The following ICE1 variants were observed in gnomAD, a reference collection of about 807,000 sequenced individuals.
ICE1 encodes interactor of little elongation complex ELL subunit 1.
A neutral mutation model predicts 192.7 loss-of-function variants in ICE1; 64 were observed. The observed-to-expected ratio is 0.33, with a 90% confidence interval of 0.27 to 0.41. ICE1 has a LOEUF of 0.41. ICE1 is among the 10% of genes least tolerant of loss of function. ICE1 has a pLI of 1.00. For synonymous variants in ICE1, 1,010 were observed against 984.5 expected (o/e 1.03, Z -0.49); for missense variants, 2,708 against 2,696.0 (o/e 1.00, Z -0.10).
intron 12 of ICE1, among the ~76,000 whole-genome samples, chr5:5,459,152 C>T (rs957953508): frequency 4.6e-5 from 7 of 152,250 alleles, no homozygotes; most frequent in Admixed American, 2.6e-4. Context: ...GGATTACAGG[C>T]GTGAGCCACC....
At chr5:5,466,148 C>T (rs1236942007) in intron 13 of ICE1, among the ~76,000 whole-genome samples, 186 bp from the exon 14 acceptor site, 4 of 152,126 alleles carry the variant, frequency 2.6e-5, no homozygotes, top group East Asian at 1.9e-4. Flanking sequence ...TCAGTACCCC[C>T]GACCTCGATT....
chr5:5,444,963 G>A (rs951337170), intron 7 of ICE1, among the ~76,000 whole-genome samples: 8 of 152,178 alleles, frequency 5.3e-5, no homozygotes, highest in Non-Finnish European at 1.0e-4. Flanking sequence ...CCTTCATTGT[G>A]TGGGTGGGAC....
chr5:5,459,507 G>A (rs567715231), intron 12 of ICE1, among the ~76,000 whole-genome samples: 12 of 152,318 alleles, frequency 7.9e-5, no homozygotes, highest in African/African-American at 2.9e-4. Context: ...CATCCAGTAA[G>A]AGTATGGAAG....
Position 5,423,662 on chromosome 5 carries a change from G to A in ICE1, c.84+663G>A, listed in dbSNP as rs1019446950. Among the ~76,000 whole-genome samples, 5 of 152,190 alleles carry A rather than the reference G, an allele frequency of 3.3e-5. 1 individual carries two copies. The highest frequency in any genetic ancestry group is 2.0e-4 in the Admixed American group (3 of 15,284). ...ACATAAGGGAGAATTGCTAGAGTAT[G>A]GCTCCAGATCTTATGGGGTGGTACT... On this transcript the variant is annotated intron_variant, in intron 1 of 18. Transcript: ENST00000296564.
At chr5:5,433,323 T>C (rs1191386621) in intron 1 of ICE1, among the ~76,000 whole-genome samples, 1 of 152,132 alleles carries the variant, frequency 6.6e-6, no homozygotes, top group East Asian at 1.9e-4. Flanking sequence ...ATGAGAAAGT[T>C]TGCAACTAGT....
At position 5,460,932 on chromosome 5, in the gene ICE1, C is replaced by A. The variant is rs777650967; in HGVS notation, c.1598C>A (p.Ser533Tyr). The A allele has an allele frequency of 1.5e-5, 24 of 1,613,866 alleles. No homozygotes were observed. The highest frequency in any genetic ancestry group is 2.0e-5 in the Non-Finnish European group (24 of 1,179,900). ...CCTGGGAAGTCTGAGTTGTGTTCTTCTCCCCTTGGCAAAAGGCCATTAAAT... is the reference window on the plus strand; with the variant it reads ...CCTGGGAAGTCTGAGTTGTGTTCTTATCCCCTTGGCAAAAGGCCATTAAAT... The part of the protein sequence containing the change: ...AAPGKSELCS[S>Y]PLGKRPLNEL... The change falls in exon 13 of 19, where the codon TCT becomes TAT. Residue 533 changes from serine to tyrosine, a missense_variant. Transcript: ENST00000296564.
chr5:5,458,573 G>T (rs1053783787), intron 12 of ICE1, among the ~76,000 whole-genome samples: 1 of 152,200 alleles, frequency 6.6e-6, no homozygotes. Context: ...GAGTTTTAAG[G>T]TGTGAGTGGG....
chr5:5,482,736 G>T (rs1739539174), intron 17 of ICE1, among the ~76,000 whole-genome samples: 1 of 150,602 alleles, frequency 6.6e-6, no homozygotes, highest in Non-Finnish European at 1.5e-5. Flanking sequence ...TTTAGGCCTG[G>T]CAGATTTCTC....
rs762925075 is a variant in ICE1 at position 5,462,587 on chromosome 5, A to G, written c.3253A>G (p.Thr1085Ala). 80 of 1,613,746 alleles carry G rather than the reference A, an allele frequency of 5.0e-5. No individual in the cohort carries two copies. The highest frequency in any genetic ancestry group is 6.4e-5 in the Non-Finnish European group (75 of 1,179,860). ...CAGAAAACATGGAGAGACACAGGAT[A>G]CCTCCCAAAGTAGCCTGCCTGGTAC... ...FCRKHGETQD[T>A]SQSSLPGTLH... Residue 1085 changes from threonine (T) to alanine (A), a missense_variant, in exon 13 of 19, where the codon ACC becomes GCC. Coordinates refer to ENST00000296564, the MANE Select transcript of ICE1 (RefSeq NM_015325.3).
chr5:5,489,224 C>T lies in ICE1; in HGVS notation c.6695C>T (p.Ser2232Phe). ...AGTCCCAGCAATCCAGCAGAAATTT[C>T]CAAGATCCTGGAAGCTTGGCGGAGA... is the stretch of plus-strand genomic sequence containing the variant. ...DLSPSNPAEI[S>F]KILEAWRREA... Residue 2232 changes from serine (S) to phenylalanine (F), a missense_variant, in exon 19 of 19, where the codon TCC becomes TTC. By Grantham distance (155) the Ser-to-Phe change is radical (BLOSUM62 -2). Coordinates refer to ENST00000296564, the MANE Select transcript of ICE1 (RefSeq NM_015325.3). 6.2e-7 allele frequency: 1 copy of T among 1,613,932 alleles called. No individual in the cohort carries two copies. The highest frequency in any genetic ancestry group is 8.5e-7 in the Non-Finnish European group (1 of 1,179,894).
At chr5:5,480,725 A>T (rs1229557584) in intron 17 of ICE1, among the ~76,000 whole-genome samples, 1 of 152,228 alleles carries the variant, frequency 6.6e-6, no homozygotes, top group Non-Finnish European at 1.5e-5. Flanking sequence ...AAATATAGCA[A>T]CATTGCCCTA....
intron 15 of ICE1, among the ~76,000 whole-genome samples, chr5:5,473,055 C>T (rs73031303): frequency 2.0e-3 from 302 of 152,292 alleles, no homozygotes; most frequent in African/African-American, 6.9e-3. Context: ...GTTCAAACTA[C>T]TCTTTCATGC....
chr5:5,456,632 C>G (rs999872666), intron 11 of ICE1, among the ~76,000 whole-genome samples: 2 of 152,030 alleles, frequency 1.3e-5, no homozygotes, highest in Non-Finnish European at 2.9e-5. Context: ...GTTTCCATCT[C>G]TGCTTGGATT....
chr5:5,436,242 G>C (rs1221626629), intron 1 of ICE1, among the ~76,000 whole-genome samples, 176 bp from the exon 2 acceptor site: 1 of 152,022 alleles, frequency 6.6e-6, no homozygotes, highest in East Asian at 1.9e-4. Flanking sequence ...CAGATAAACA[G>C]GTTTGGAGAG....
intron 18 of ICE1, 117 bp from the exon 19 acceptor site, chr5:5,489,032 T>G: frequency 1.2e-6 from 1 of 859,906 alleles, no homozygotes; most frequent in South Asian, 1.7e-5. Context: ...TATATTTAAT[T>G]TTCATTGCTG....
rs757328197 is a variant in ICE1 at position 5,441,164 on chromosome 5, C to T, written c.250C>T (p.Pro84Ser). The T allele has an allele frequency of 6.4e-7, 1 of 1,565,430 alleles. No homozygotes were observed. The highest frequency in any genetic ancestry group is 8.7e-7 in the Non-Finnish European group (1 of 1,153,798). Reference sequence around the variant, plus strand: ...GGAAGAGATGCTTCAAAAAATTTCTCCTCTACAGAAATGTCAGGAAGAACT... The same window carrying T: ...GGAAGAGATGCTTCAAAAAATTTCTTCTCTACAGAAATGTCAGGAAGAACT... ...QVEEMLQKIS[P>S]LQKCQEELGS... The change falls in exon 5 of 19, where the codon CCT becomes TCT. Residue 84 changes from proline to serine, a missense_variant. Coordinates refer to ENST00000296564, the MANE Select transcript of ICE1 (RefSeq NM_015325.3).
At chr5:5,484,987 C>T (rs1299824394) in intron 17 of ICE1, among the ~76,000 whole-genome samples, 1 of 152,080 alleles carries the variant, frequency 6.6e-6, no homozygotes, top group African/African-American at 2.4e-5. Context: ...AGCAAGTTCT[C>T]ATCCATAGGA....
Position 5,463,507 on chromosome 5 carries a change from A to G in ICE1, c.4173A>G (p.Glu1391=). 6.2e-7 allele frequency: 1 copy of G among 1,613,618 alleles called. No individual in the cohort carries two copies. The highest frequency in any genetic ancestry group is 8.5e-7 in the Non-Finnish European group (1 of 1,179,686). The part of the protein sequence containing the change: ...SIEQSSNCEA[E]TTFQCQIATV... ...AGCAAAGTTCTAACTGCGAGGCCGA[A>G]ACAACATTTCAGTGTCAGATAGCAA... The change falls in exon 13 of 19, where the codon GAA becomes GAG. Residue 1391 remains glutamate (E), a synonymous_variant. Coordinates refer to ENST00000296564, the MANE Select transcript of ICE1 (RefSeq NM_015325.3).
Position 5,489,332 on chromosome 5 carries a change from C to T in ICE1, c.*2C>T, listed in dbSNP as rs561052803. The stretch of plus-strand genomic sequence containing the variant: ...CTGAGCACAGAGGAGCTTGGCTGAC[C>T]TGGGATGCCACTGAGGCTTGAGAAG... On this transcript the variant is annotated 3_prime_UTR_variant, in exon 19 of 19. Transcript: ENST00000296564. The T allele has an allele frequency of 8.7e-6, 14 of 1,602,452 alleles. No individual in the cohort carries two copies. Among genetic ancestry groups the T allele is most frequent in the Non-Finnish European group, 1.1e-5 (13 of 1,175,106 alleles).
Sources: allele counts gnomAD v4.1 joint callset (sites outside exome capture counted in the v4.1 genomes callset), GRCh38; gene constraint gnomAD v4.1.1; transcripts MANE v1.5; gene names NCBI Gene and HGNC (gene_info 2026-07-23, HGNC 2026-07-21).